MMS22L: variants seen among roughly 807,000 people sequenced by gnomAD.
MMS22L encodes the protein MMS22 like, DNA repair protein.
A neutral mutation model predicts 159.1 loss-of-function variants in MMS22L; 74 were observed. The observed-to-expected ratio is 0.47, with a 90% CI of 0.39 to 0.56. MMS22L has a LOEUF of 0.56. Ranked by LOEUF, MMS22L falls within the 20% of genes least tolerant of loss-of-function variation. MMS22L has a pLI of 0.00. For synonymous variants in MMS22L, 517 were observed against 506.9 expected, an observed-to-expected ratio of 1.02 and a Z score of -0.27; for missense variants, 1,351 against 1,422.1, an observed-to-expected ratio of 0.95 and a Z score of 0.80.
chr6:97,223,920 T>A (rs1404130124), intron 14 of MMS22L, among the ~76,000 whole-genome samples: 2 of 152,240 alleles, frequency 1.3e-5, no homozygotes, highest in East Asian at 1.9e-4. Context: ...GCACTATTTT[T>A]ATTCATACAT....
At position 97,267,929 on chromosome 6, in the gene MMS22L, T is replaced by G; in HGVS notation, c.771A>C (p.Glu257Asp). 1 of 1,609,986 alleles carries G rather than the reference T, an allele frequency of 6.2e-7. No homozygotes were observed. The highest frequency in any genetic ancestry group is 1.1e-5 in the South Asian group (1 of 90,418). Residue 257 changes from glutamate to aspartate, a missense_variant, in exon 8 of 25, where the codon GAA becomes GAC. By Grantham distance (45) the Glu-to-Asp change is conservative. Coordinates refer to ENST00000683635, the MANE Select transcript of MMS22L (RefSeq NM_001350599.2). ...AATCACAAAGGAGAGTTTCACAATG[T>G]TCTTCAAATAGGCTGATGTTGGTTA... is the stretch of plus-strand genomic sequence containing the variant. ...DNLTNISLFE[E>D]HCETLLCDLI...
At chr6:97,248,934 G>A (rs1018783306) in intron 10 of MMS22L, among the ~76,000 whole-genome samples, 1 of 152,038 alleles carries the variant, frequency 6.6e-6, no homozygotes, top group Non-Finnish European at 1.5e-5. Context: ...TGTTATGCCT[G>A]ATAGTAGCAT....
rs1174875428 is a variant in MMS22L at position 97,254,669 on chromosome 6, C to T, written c.1007G>A (p.Arg336Lys). 89 of 1,611,894 alleles carry T rather than the reference C, an allele frequency of 5.5e-5. No individual in the cohort carries two copies. Among genetic ancestry groups the T allele is most frequent in the Non-Finnish European group, 7.5e-5 (89 of 1,179,374 alleles). Residue 336 changes from arginine to lysine, a missense_variant, in exon 10 of 25, where the codon AGA (arginine) becomes AAA (lysine). Transcript: ENST00000683635. ...GGACTGGATTACAGGCATAGAGGAT[C>T]TTCTTCGGTCACTTGATTTTTCAAG... is the stretch of plus-strand genomic sequence containing the variant. ...TLLEKSSDRR[R>K]SSMPVIQSRD...
In MMS22L at chr6:97,272,761, G is replaced by A. The variant is rs1344832342; in HGVS notation, c.549C>T (p.His183=). The A allele has an allele frequency of 6.2e-7, 1 of 1,613,928 alleles. No individual in the cohort carries two copies. Among genetic ancestry groups the A allele is most frequent in the South Asian group, 1.1e-5 (1 of 91,050 alleles). Residue 183 remains histidine (H), a synonymous_variant, in exon 6 of 25, where the codon CAC becomes CAT. Transcript: ENST00000683635. ...ELHGLLLYIG[H]LSELPSVNIG... The stretch of plus-strand genomic sequence containing the variant: ...TATTAACACTGGGAAGTTCAGATAG[G>A]TGTCCAATATACAAGAGTAATCCAT...
At chr6:97,233,299 T>C (rs1811064039) in intron 12 of MMS22L, among the ~76,000 whole-genome samples, 1 of 152,164 alleles carries the variant, frequency 6.6e-6, no homozygotes, top group Non-Finnish European at 1.5e-5. Flanking sequence ...TCCATGTATT[T>C]GTCCATGTTG....
intron 11 of MMS22L, among the ~76,000 whole-genome samples, chr6:97,240,807 A>T (rs1325655884): frequency 6.6e-6 from 1 of 151,758 alleles, no homozygotes; most frequent in Non-Finnish European, 1.5e-5. Flanking sequence ...TTGTATTTTT[A>T]GTAGAGACAG....
At chr6:97,218,703 G>C (rs887747013) in intron 14 of MMS22L, among the ~76,000 whole-genome samples, 3 of 152,126 alleles carry the variant, frequency 2.0e-5, no homozygotes, top group Non-Finnish European at 4.4e-5. Flanking sequence ...CAGGAATAGA[G>C]ATTATTCAAG....
intron 3 of MMS22L, among the ~76,000 whole-genome samples, chr6:97,279,508 G>A (rs1222864818): frequency 6.6e-6 from 1 of 151,604 alleles, no homozygotes; most frequent in African/African-American, 2.4e-5. Context: ...TTTAAGATGG[G>A]GTGCAGTGGC....
intron 24 of MMS22L, among the ~76,000 whole-genome samples, chr6:97,148,846 A>C (rs1801048612): frequency 6.6e-6 from 1 of 152,054 alleles, no homozygotes. Flanking sequence ...CACATTTATC[A>C]CCACTCACTC....
At chr6:97,238,059 CAT>C (rs1343710139) in intron 11 of MMS22L, among the ~76,000 whole-genome samples, 3 of 152,166 alleles carry the variant, frequency 2.0e-5, no homozygotes, top group South Asian at 4.1e-4. Flanking sequence ...TGGAGTTAAA[CAT>C]ATGAAAATTC....
At chr6:97,193,573 T>C (rs1368466627) in intron 14 of MMS22L, among the ~76,000 whole-genome samples, 1 of 152,218 alleles carries the variant, frequency 6.6e-6, no homozygotes, top group East Asian at 1.9e-4. Flanking sequence ...TTGTTATTAT[T>C]GTAAGTAGTT....
intron 14 of MMS22L, among the ~76,000 whole-genome samples, chr6:97,193,492 T>C (rs529058620): frequency 6.6e-6 from 1 of 152,334 alleles, no homozygotes; most frequent in East Asian, 1.9e-4. Flanking sequence ...ATTATGAGTA[T>C]AAAATTACTT....
chr6:97,164,642 T>G (rs909794872), intron 21 of MMS22L, among the ~76,000 whole-genome samples: 2 of 151,996 alleles, frequency 1.3e-5, no homozygotes, highest in Admixed American at 1.3e-4. Context: ...TTTGAGATGG[T>G]GTCTCGCTCT....
rs555919535 is a variant in MMS22L, at chr6:97,244,614, C to A, written c.1182+2014G>T. On this transcript the variant is annotated intron_variant, in intron 11 of 24. Transcript: ENST00000683635. ...TTAGTCTCACATCCTACATTTTTCT[C>A]CCGTGCTGGATGCTTCCTGCTCTCA... 7.9e-5 allele frequency among the ~76,000 whole-genome samples: 12 copies of A among 152,302 alleles called. 1 individual carries two copies. Among genetic ancestry groups the A allele is most frequent in the Admixed American group, 5.9e-4 (9 of 15,294 alleles).
intron 11 of MMS22L, among the ~76,000 whole-genome samples, chr6:97,235,667 C>A (rs1383859713): frequency 6.6e-6 from 1 of 152,144 alleles, no homozygotes; most frequent in Non-Finnish European, 1.5e-5. Flanking sequence ...CATTGACGGC[C>A]TTCCCAGAGC....
chr6:97,162,210 T>C (rs1473855908), intron 21 of MMS22L, 45 bp from the exon 22 acceptor site: 3 of 1,536,568 alleles, frequency 2.0e-6, no homozygotes, highest in African/African-American at 1.4e-5. Flanking sequence ...AAAGCTTCAA[T>C]AGAGCAAGAC....
At chr6:97,233,792 T>C (rs1811113158) in intron 12 of MMS22L, 69 bp downstream of exon 12, 1 of 1,494,792 alleles carries the variant, frequency 6.7e-7, no homozygotes, top group Non-Finnish European at 8.9e-7. Flanking sequence ...AATTAAACCA[T>C]AAAGACATTC....
intron 9 of MMS22L, among the ~76,000 whole-genome samples, chr6:97,256,452 A>G (rs1813820793): frequency 6.6e-6 from 1 of 152,166 alleles, no homozygotes; most frequent in South Asian, 2.1e-4. Flanking sequence ...CCATTTTGGC[A>G]TCACCATTCT....
intron 8 of MMS22L, chr6:97,267,657 A>G (rs1198913181): frequency 1.3e-5 from 4 of 309,772 alleles, no homozygotes; most frequent in Admixed American, 5.0e-5. Context: ...AAAAAAAAAA[A>G]AAGAAAAAAA....
Sources: allele counts gnomAD v4.1 joint callset (sites outside exome capture counted in the v4.1 genomes callset), GRCh38; gene constraint gnomAD v4.1.1; transcripts MANE v1.5; gene names NCBI Gene and HGNC (gene_info 2026-07-23, HGNC 2026-07-21).